ZNF804B: variants seen among roughly 807,000 people sequenced by gnomAD.
ZNF804B encodes the protein zinc finger protein 804B.
In ZNF804B, 80 loss-of-function variants were observed where a neutral mutation model predicts 101.4. The observed-to-expected ratio is 0.79, with a 90% confidence interval of 0.66 to 0.95. The LOEUF is 0.95. ZNF804B is among the 40% of genes least tolerant of loss of function. The pLI is 0.00. For missense variants in ZNF804B, 1,673 were observed against 1,561.9 expected (o/e 1.07, Z -1.20); for synonymous variants, 622 against 558.8 (o/e 1.11, Z -1.59).
chr7:88,893,804 G>T (rs1792247628), intron 1 of ZNF804B, among the ~76,000 whole-genome samples: 1 of 152,052 alleles, frequency 6.6e-6, no homozygotes, highest in African/African-American at 2.4e-5. Flanking sequence ...GTAATTACAT[G>T]GCTATTTTTA....
intron 1 of ZNF804B, among the ~76,000 whole-genome samples, chr7:89,196,913 A>G (rs1191213814): frequency 1.3e-5 from 2 of 152,140 alleles, no homozygotes; most frequent in Admixed American, 6.6e-5. Flanking sequence ...CAAATCTACA[A>G]TGAGAGAGCA....
chr7:89,297,350 A>G (rs956592168), intron 2 of ZNF804B, among the ~76,000 whole-genome samples: 1 of 152,058 alleles, frequency 6.6e-6, no homozygotes, highest in Non-Finnish European at 1.5e-5. Flanking sequence ...TAAATAGATA[A>G]GAATTGCTTA....
At chr7:89,302,258 G>C (rs1790487010) in intron 2 of ZNF804B, among the ~76,000 whole-genome samples, 1 of 151,612 alleles carries the variant, frequency 6.6e-6, no homozygotes, top group African/African-American at 2.4e-5. Context: ...CTTTCACATT[G>C]CTTGTACCTG....
chr7:89,023,677 G>A (rs1311518294), intron 1 of ZNF804B, among the ~76,000 whole-genome samples: 4 of 152,110 alleles, frequency 2.6e-5, no homozygotes, highest in Admixed American at 6.6e-5. Context: ...ACAAGGTTCA[G>A]CATTTGTATA....
chr7:89,267,698 T>A (rs1278572163), intron 2 of ZNF804B, among the ~76,000 whole-genome samples: 1 of 152,052 alleles, frequency 6.6e-6, no homozygotes, highest in Non-Finnish European at 1.5e-5. Context: ...AAGGAAGGAG[T>A]CATTTTCTAA....
chr7:89,106,890 T>C (rs1790144752), intron 1 of ZNF804B, among the ~76,000 whole-genome samples: 1 of 152,068 alleles, frequency 6.6e-6, no homozygotes, highest in Non-Finnish European at 1.5e-5. Flanking sequence ...GAGGACAGCA[T>C]GTTGTTGGAG....
chr7:89,256,596 T>G (rs951617941), intron 2 of ZNF804B, among the ~76,000 whole-genome samples: 1 of 149,740 alleles, frequency 6.7e-6, no homozygotes, highest in African/African-American at 2.4e-5. Context: ...GCACTTAAAA[T>G]AAACATTCTA....
chr7:88,932,453 A>G (rs1007909301), intron 1 of ZNF804B, among the ~76,000 whole-genome samples: 4 of 151,970 alleles, frequency 2.6e-5, no homozygotes, highest in African/African-American at 9.7e-5. Context: ...TAAATGAAAC[A>G]AAAAGCTGAT....
At chr7:88,909,340 T>A (rs1792516024) in intron 1 of ZNF804B, among the ~76,000 whole-genome samples, 1 of 151,824 alleles carries the variant, frequency 6.6e-6, no homozygotes, top group South Asian at 2.1e-4. Context: ...TATATTCCAA[T>A]TGCTAATTAT....
chr7:88,775,443 C>T (rs1210355291), intron 1 of ZNF804B, among the ~76,000 whole-genome samples: 1 of 152,180 alleles, frequency 6.6e-6, no homozygotes, highest in Non-Finnish European at 1.5e-5. Context: ...AGATATATGG[C>T]CTTTAATCCA....
intron 1 of ZNF804B, among the ~76,000 whole-genome samples, chr7:89,034,392 C>A (rs994732125): frequency 2.6e-5 from 4 of 151,944 alleles, no homozygotes; most frequent in Admixed American, 6.6e-5. Context: ...TAATGCTATC[C>A]CTCCCCTAGC....
At chr7:88,903,030 A>G (rs1315002095) in intron 1 of ZNF804B, among the ~76,000 whole-genome samples, 1 of 152,024 alleles carries the variant, frequency 6.6e-6, no homozygotes, top group East Asian at 1.9e-4. Flanking sequence ...GGTTTAAGGT[A>G]TGGATCCTGT....
chr7:89,137,683 C>A (rs1050726105), intron 1 of ZNF804B, among the ~76,000 whole-genome samples: 12 of 152,058 alleles, frequency 7.9e-5, no homozygotes, highest in Non-Finnish European at 1.6e-4. Context: ...AATTTGCAGC[C>A]TGACAATGTG....
chr7:89,303,447 A>T lies in ZNF804B; in HGVS notation c.250-23897A>T, dbSNP rs186565087. Reference sequence around the variant, plus strand: ...GGTACACAAAAAGTTAATCAGAGAAAATAGATTGCAGAGGTTACCAGCTAG... The same window carrying T: ...GGTACACAAAAAGTTAATCAGAGAATATAGATTGCAGAGGTTACCAGCTAG... On this transcript the variant is annotated intron_variant, in intron 2 of 3. Coordinates refer to ENST00000333190, the MANE Select transcript of ZNF804B (RefSeq NM_181646.5). Among the ~76,000 whole-genome samples, 22 of 152,056 alleles carry T rather than the reference A, an allele frequency of 1.4e-4. No individual in the cohort carries two copies. In the East Asian group the frequency reaches 4.0e-3, roughly 28 times the overall value.
chr7:89,253,611 A>T (rs1323484980), intron 2 of ZNF804B, among the ~76,000 whole-genome samples: 2 of 151,020 alleles, frequency 1.3e-5, no homozygotes, highest in Non-Finnish European at 2.9e-5. Context: ...TTGTGTAAAC[A>T]CCAGTTCCAG....
chr7:88,761,304 C>T (rs1789891815), intron 1 of ZNF804B, among the ~76,000 whole-genome samples: 1 of 152,110 alleles, frequency 6.6e-6, no homozygotes, highest in African/African-American at 2.4e-5. Flanking sequence ...CAACTGCTCC[C>T]CCCAACAACT....
intron 1 of ZNF804B, among the ~76,000 whole-genome samples, chr7:88,957,961 C>A (rs1030500986): frequency 7.3e-5 from 11 of 150,720 alleles, no homozygotes; most frequent in Admixed American, 5.3e-4. Flanking sequence ...ACTATTATAT[C>A]TGTAGTTACA....
At chr7:89,304,320 C>T (rs1029866123) in intron 2 of ZNF804B, among the ~76,000 whole-genome samples, 1 of 151,838 alleles carries the variant, frequency 6.6e-6, no homozygotes, top group Non-Finnish European at 1.5e-5. Context: ...TTAGTTCACT[C>T]CTGCCTTTAA....
Position 89,182,659 on chromosome 7 carries a change from T to C in ZNF804B, c.109-35496T>C, listed in dbSNP as rs538180616. Among the ~76,000 whole-genome samples, 3 of 152,282 alleles carry C rather than the reference T, an allele frequency of 2.0e-5. No homozygotes were observed. In the East Asian group the frequency reaches 5.8e-4, roughly 29 times the overall value. On this transcript the variant is annotated intron_variant, in intron 1 of 3. Coordinates refer to ENST00000333190, the MANE Select transcript of ZNF804B (RefSeq NM_181646.5). ...GCTGAGTTTCTTCTCTCCATTACTG[T>C]AACAGTAGGTAGTATAGAGCTGTGC... is the stretch of plus-strand genomic sequence containing the variant.
Sources: allele counts gnomAD v4.1 joint callset (sites outside exome capture counted in the v4.1 genomes callset), GRCh38; gene constraint gnomAD v4.1.1; transcripts MANE v1.5; gene names NCBI Gene and HGNC (gene_info 2026-07-23, HGNC 2026-07-21).